NWD2: variants seen among roughly 807,000 people sequenced by gnomAD.
NWD2 encodes NACHT and WD repeat domain containing 2, also known as NACHT and WD repeat domain-containing protein 2.
A neutral mutation model predicts 132.7 loss-of-function variants in NWD2; 37 were observed. That is an observed-to-expected ratio of 0.28 (90% CI 0.21 to 0.37). The LOEUF (loss-of-function observed/expected upper bound fraction) is 0.37. Among genes scored for constraint, NWD2 ranks in the 10% least tolerant of loss-of-function variants. The probability of loss-of-function intolerance (pLI) is 1.00; values close to 1 mark genes in which losing one functional copy is unlikely to be tolerated. For missense variants in NWD2, 1,592 were observed against 2,122.4 expected (o/e 0.75, Z 4.91); for synonymous variants, 705 against 803.0 (o/e 0.88, Z 2.06).
intron 1 of NWD2, among the ~76,000 whole-genome samples, chr4:37,254,529 C>T (rs1717471641): frequency 6.6e-6 from 1 of 152,080 alleles, no homozygotes; most frequent in Non-Finnish European, 1.5e-5. Context: ...GTAGCAGTGG[C>T]TTAAAAGCAT....
intron 1 of NWD2, among the ~76,000 whole-genome samples, chr4:37,269,821 A>ATTT (rs1717832168): frequency 6.6e-6 from 1 of 151,830 alleles, no homozygotes; most frequent in African/African-American, 2.4e-5. Flanking sequence ...TGTTATGAAC[A>ATTT]TTTTTAGAGA....
At chr4:37,339,846 A>G (rs949511907) in intron 2 of NWD2, among the ~76,000 whole-genome samples, 1 of 151,756 alleles carries the variant, frequency 6.6e-6, no homozygotes, top group South Asian at 2.1e-4. Context: ...TCCTCCCACC[A>G]TTCTGTCTCC....
intron 3 of NWD2, among the ~76,000 whole-genome samples, chr4:37,398,216 T>A (rs1296433467): frequency 6.6e-6 from 1 of 152,128 alleles, no homozygotes; most frequent in Non-Finnish European, 1.5e-5. Flanking sequence ...AAATAACTTA[T>A]CCAGGGTCAT....
intron 1 of NWD2, among the ~76,000 whole-genome samples, chr4:37,260,772 T>C (rs1413129381): frequency 6.6e-6 from 1 of 152,174 alleles, no homozygotes; most frequent in African/African-American, 2.4e-5. Flanking sequence ...ATTGATTTTT[T>C]TAAAAAACAT....
chr4:37,295,432 A>G (rs1718453690), intron 1 of NWD2, among the ~76,000 whole-genome samples: 1 of 152,180 alleles, frequency 6.6e-6, no homozygotes, highest in African/African-American at 2.4e-5. Flanking sequence ...CATCTCATTG[A>G]CACCTATCTC....
intron 2 of NWD2, among the ~76,000 whole-genome samples, chr4:37,355,569 A>G (rs186766144): frequency 7.0e-4 from 106 of 152,314 alleles, no homozygotes; most frequent in Admixed American, 2.4e-3. Context: ...AAGGAAAGGA[A>G]AAGAAGAAAT....
intron 2 of NWD2, among the ~76,000 whole-genome samples, chr4:37,335,201 C>CTGTGGGAA (rs1475312289): frequency 6.7e-6 from 1 of 148,622 alleles, no homozygotes; most frequent in Admixed American, 6.9e-5. Context: ...CCACAGGCAG[C>CTGTGGGAA]CTGTTCTAGC....
At chr4:37,406,184 A>G (rs548417307) in intron 3 of NWD2, among the ~76,000 whole-genome samples, 4 of 152,356 alleles carry the variant, frequency 2.6e-5, no homozygotes, top group Non-Finnish European at 5.9e-5. Flanking sequence ...TGATTAATAA[A>G]TGCAGAGTAA....
chr4:37,445,144 C>A lies in NWD2; in HGVS notation c.3156C>A (p.Thr1052=). ...CLLSEVEIKG[T]KHGSSATYIN... is the part of the protein sequence containing the mutation. ...TGTCTGAAGTAGAAATCAAGGGGACCAAGCATGGAAGCAGCGCCACCTACA... is the reference window on the plus strand; with the variant it reads ...TGTCTGAAGTAGAAATCAAGGGGACAAAGCATGGAAGCAGCGCCACCTACA... The change falls in exon 7 of 7, where the codon ACC becomes ACA. Residue 1052 remains threonine, a synonymous_variant. Transcript: ENST00000309447. This position sits in a 1 kb window ranked among gnomAD's most constrained non-coding sequence, Gnocchi z 4.7. 1 of 1,552,090 alleles carries A rather than the reference C, an allele frequency of 6.4e-7. No homozygotes were observed. The highest frequency in any genetic ancestry group is 8.7e-7 in the Non-Finnish European group (1 of 1,147,094).
chr4:37,299,794 G>A (rs1312614023), intron 1 of NWD2, among the ~76,000 whole-genome samples: 2 of 152,124 alleles, frequency 1.3e-5, no homozygotes, highest in Admixed American at 6.6e-5. Flanking sequence ...CTTGTAAACT[G>A]AAATGTATGA....
chr4:37,303,536 T>A (rs1228570491), intron 1 of NWD2, among the ~76,000 whole-genome samples: 1 of 152,168 alleles, frequency 6.6e-6, no homozygotes, highest in African/African-American at 2.4e-5. Flanking sequence ...ATCTGTAGAT[T>A]AGGTAGTATA....
intron 1 of NWD2, among the ~76,000 whole-genome samples, chr4:37,271,453 A>T (rs976454763): frequency 2.0e-5 from 3 of 151,828 alleles, no homozygotes; most frequent in Admixed American, 2.0e-4. Context: ...AGTATTTTAA[A>T]TTTTTATGTT....
In NWD2 at chr4:37,446,184, G is replaced by A. The variant is rs901369475; in HGVS notation, c.4196G>A (p.Arg1399Lys). ...AACCTTTTTCGAATTAACGGGCAGA[G>A]AATATCTCAGCTGCTGATTACACAC... is the stretch of plus-strand genomic sequence containing the variant. ...GENLFRINGQ[R>K]ISQLLITHND... The change falls in exon 7 of 7, where the codon AGA becomes AAA. Residue 1399 changes from arginine (R) to lysine (K), a missense_variant. This residue lies in a region of NWD2 where 1,071 missense variants were observed against 1,398.0 expected (regional missense o/e 0.77). Coordinates refer to ENST00000309447, the MANE Select transcript of NWD2 (RefSeq NM_001144990.2). This position sits in a 1 kb window ranked among gnomAD's most constrained non-coding sequence, Gnocchi z 6.7. 5.2e-5 allele frequency: 81 copies of A among 1,551,584 alleles called. No individual in the cohort carries two copies. The highest frequency in any genetic ancestry group is 6.8e-5 in the Non-Finnish European group (78 of 1,147,028).
At chr4:37,430,482 A>T in intron 3 of NWD2, 90 bp from the exon 4 acceptor site, 2 of 890,626 alleles carry the variant, frequency 2.2e-6, no homozygotes, top group Non-Finnish European at 3.5e-6. Flanking sequence ...TTATCTATTG[A>T]TTAATATTTA....
At chr4:37,282,845 G>A (rs1169420246) in intron 1 of NWD2, among the ~76,000 whole-genome samples, 2 of 152,114 alleles carry the variant, frequency 1.3e-5, no homozygotes, top group East Asian at 1.9e-4. Context: ...GCATTGTTGT[G>A]TGAAACAAAT....
At chr4:37,350,259 A>G (rs1719732900) in intron 2 of NWD2, among the ~76,000 whole-genome samples, 2 of 152,212 alleles carry the variant, frequency 1.3e-5, no homozygotes, top group Non-Finnish European at 2.9e-5. Flanking sequence ...CATTGAATCT[A>G]TAAATTACTT....
intron 3 of NWD2, among the ~76,000 whole-genome samples, chr4:37,411,714 A>T (rs367750237): frequency 2.0e-5 from 3 of 152,182 alleles, no homozygotes; most frequent in East Asian, 3.8e-4. Context: ...TCTCTGATGA[A>T]CATCGATGCA....
At chr4:37,397,405 C>G (rs56359765) in intron 3 of NWD2, among the ~76,000 whole-genome samples, 23,810 of 152,102 alleles carry the variant, frequency 0.16, 2,539 homozygotes, top group Non-Finnish European at 0.23. Flanking sequence ...TTGAGTAAAG[C>G]AGATTACCCT....
At chr4:37,413,259 T>G (rs943165462) in intron 3 of NWD2, among the ~76,000 whole-genome samples, 1 of 152,120 alleles carries the variant, frequency 6.6e-6, no homozygotes, top group African/African-American at 2.4e-5. Flanking sequence ...TACAAAGAAC[T>G]TAAACAAATG....
Sources: allele counts gnomAD v4.1 joint callset (sites outside exome capture counted in the v4.1 genomes callset), GRCh38; gene constraint gnomAD v4.1.1; regional missense constraint gnomAD v4.1.1; non-coding constraint Gnocchi (gnomAD v3.1); transcripts MANE v1.5; gene names NCBI Gene and HGNC (gene_info 2026-07-23, HGNC 2026-07-21).